Variants in CALN1 observed in about 807,000 individuals in gnomAD.
CALN1 encodes the protein calneuron 1, also known as calcium-binding protein 8.
A neutral mutation model predicts 30.6 loss-of-function variants in CALN1; 17 were observed. That is an observed-to-expected ratio of 0.56 (90% CI 0.38 to 0.83). CALN1 has a LOEUF of 0.83. CALN1 is among the 40% of genes least tolerant of loss of function. The pLI is 0.00. For synonymous variants in CALN1, 156 were observed against 131.4 expected (o/e 1.19, Z -1.28); for missense variants, 291 against 354.9 (o/e 0.82, Z 1.45).
chr7:71,822,377 T>A (rs1788647292), intron 5 of CALN1, among the ~76,000 whole-genome samples: 1 of 152,124 alleles, frequency 6.6e-6, no homozygotes, highest in Admixed American at 6.6e-5. Context: ...GCCTCCCGAG[T>A]AGCTGGGATT....
At chr7:72,474,525 G>A in the CALN1 span, among the ~76,000 whole-genome samples, 5 of 152,000 alleles carry the variant, frequency 3.3e-5, no homozygotes, top group African/African-American at 9.6e-5. Context: ...GTCTCTACAC[G>A]AAATACAAAA....
chr7:72,403,997 A>AG (rs1009733683), intron 1 of CALN1, among the ~76,000 whole-genome samples: 4 of 152,098 alleles, frequency 2.6e-5, no homozygotes, highest in African/African-American at 9.7e-5. Flanking sequence ...TCCCATTACC[A>AG]GCTCCAGGGC....
intron 5 of CALN1, among the ~76,000 whole-genome samples, chr7:71,933,422 G>C (rs971753462): frequency 2.0e-5 from 3 of 152,168 alleles, no homozygotes; most frequent in Non-Finnish European, 4.4e-5. Flanking sequence ...TCTCACTAGA[G>C]AGGGAGCTGT....
chr7:72,305,470 G>A (rs1168474227), intron 2 of CALN1, among the ~76,000 whole-genome samples: 1 of 152,094 alleles, frequency 6.6e-6, no homozygotes, highest in Non-Finnish European at 1.5e-5. Context: ...AGATCCCCAC[G>A]TAAAGTGGTC....
chr7:72,303,375 C>T (rs886120032), intron 2 of CALN1, among the ~76,000 whole-genome samples: 1 of 151,832 alleles, frequency 6.6e-6, no homozygotes, highest in Non-Finnish European at 1.5e-5. Flanking sequence ...CCAGCCTGAC[C>T]AACATGGAGA....
chr7:72,319,003 T>C (rs1800688617), intron 2 of CALN1, among the ~76,000 whole-genome samples: 1 of 152,058 alleles, frequency 6.6e-6, no homozygotes, highest in South Asian at 2.1e-4. Context: ...AAAAGAGAAC[T>C]ACATTTGATC....
intron 5 of CALN1, among the ~76,000 whole-genome samples, chr7:71,986,249 T>G (rs1209308502): frequency 1.3e-5 from 2 of 152,106 alleles, no homozygotes; most frequent in African/African-American, 4.8e-5. Context: ...GGTTTCACCA[T>G]GTTGGTCATG....
At position 71,783,903 on chromosome 7, in the gene CALN1, T is replaced by C. The variant is rs1390366791; in HGVS notation, c.*3872A>G. ...GTGAGATTTGAGACAGGGCAGGTAT[T>C]GAGAAAGAAGACTCATAAGACACAT... On this transcript the variant is annotated 3_prime_UTR_variant, in exon 7 of 7. Coordinates refer to ENST00000395275, the MANE Select transcript of CALN1 (RefSeq NM_031468.4). The C allele has an allele frequency of 6.6e-6, 1 of 152,330 alleles. No individual in the cohort carries two copies. The highest frequency in any genetic ancestry group is 1.5e-5 in the Non-Finnish European group (1 of 68,038). The allele number at this position is 152,330 out of a possible 1,614,324, so 9.4% of individuals were successfully genotyped here.
At chr7:71,887,646 G>T (rs901885378) in intron 5 of CALN1, among the ~76,000 whole-genome samples, 2 of 152,102 alleles carry the variant, frequency 1.3e-5, no homozygotes, top group Non-Finnish European at 2.9e-5. Flanking sequence ...AGCAAACATA[G>T]GGGGAGGGAG....
intron 5 of CALN1, among the ~76,000 whole-genome samples, chr7:72,014,854 G>A (rs746382388): frequency 1.6e-4 from 24 of 151,944 alleles, no homozygotes; most frequent in Non-Finnish European, 2.9e-4. Flanking sequence ...GTAGAGTCAG[G>A]ATCTTGCTTT....
At position 72,370,594 on chromosome 7, in the gene CALN1, G is replaced by A. The variant is rs1477087914; in HGVS notation, c.119+32657C>T. On this transcript the variant is annotated intron_variant, in intron 2 of 6. Coordinates refer to ENST00000395275, the MANE Select transcript of CALN1 (RefSeq NM_031468.4). ...GTGTGAACCCGGGAGGCGGAGCTTA[G>A]AAGGGTGAGCCGAGATCACGCCACT... 2.0e-5 allele frequency among the ~76,000 whole-genome samples: 3 copies of A among 150,144 alleles called. No individual in the cohort carries two copies. In the Admixed American group the frequency reaches 2.0e-4, roughly 10 times the overall value.
At chr7:72,049,710 G>C (rs1168836236) in intron 4 of CALN1, among the ~76,000 whole-genome samples, 1 of 151,886 alleles carries the variant, frequency 6.6e-6, no homozygotes, top group Admixed American at 6.6e-5. Flanking sequence ...GTTTCACCAC[G>C]CTGGTCAGGC....
the CALN1 span, among the ~76,000 whole-genome samples, chr7:72,476,694 C>T: frequency 6.6e-6 from 1 of 152,238 alleles, no homozygotes; most frequent in South Asian, 2.1e-4. Flanking sequence ...GGATGCTTTT[C>T]CAGCTTCTCT....
At chr7:72,039,744 C>A (rs996775905) in intron 4 of CALN1, among the ~76,000 whole-genome samples, 1 of 152,156 alleles carries the variant, frequency 6.6e-6, no homozygotes, top group Non-Finnish European at 1.5e-5. Context: ...CCAGGCCTCT[C>A]ACCCTTTTGG....
intron 2 of CALN1, among the ~76,000 whole-genome samples, chr7:72,385,310 C>T (rs916667640): frequency 6.6e-6 from 1 of 152,106 alleles, no homozygotes; most frequent in Non-Finnish European, 1.5e-5. Context: ...TTACTCAACT[C>T]ATTTGAAAAC....
intron 3 of CALN1, among the ~76,000 whole-genome samples, chr7:72,197,090 T>C (rs1005756467): frequency 3.9e-5 from 6 of 152,108 alleles, no homozygotes; most frequent in African/African-American, 1.4e-4. Flanking sequence ...CAGAAGTCAT[T>C]TGGATTGCCC....
At position 71,779,527 on chromosome 7, in the gene CALN1, T is replaced by C. The variant is rs1792606111; in HGVS notation, c.*8248A>G. 1 of 152,206 alleles carries C rather than the reference T, an allele frequency of 6.6e-6. No individual in the cohort carries two copies. The highest frequency in any genetic ancestry group is 2.1e-4 in the South Asian group (1 of 4,832). The allele number at this position is 152,206 out of a possible 1,614,324, so 9.4% of individuals were successfully genotyped here. The stretch of plus-strand genomic sequence containing the variant: ...AAAAACTTTTATTTTTTCTATTGCA[T>C]AAATAATGGTAAATTAGACTCTTTT... On this transcript the variant is annotated 3_prime_UTR_variant, in exon 7 of 7. Coordinates refer to ENST00000395275, the MANE Select transcript of CALN1 (RefSeq NM_031468.4).
rs893887309 is a variant in CALN1 at position 71,891,962 on chromosome 7, A to T, written c.502-81470T>A. 1.9e-3 allele frequency among the ~76,000 whole-genome samples: 289 copies of T among 152,246 alleles called. 1 individual carries two copies. Among genetic ancestry groups the T allele is most frequent in the African/African-American group, 6.6e-3 (274 of 41,538 alleles). Reference sequence around the variant, plus strand: ...CCGTCTCAAAAATAAATAAATAAAAAAAAAAATAACAAGTGCTATGTATGT... The same window carrying T: ...CCGTCTCAAAAATAAATAAATAAAATAAAAAATAACAAGTGCTATGTATGT... On this transcript the variant is annotated intron_variant, in intron 5 of 6. Transcript: ENST00000395275.
chr7:72,122,350 G>A (rs1808455918), intron 3 of CALN1, among the ~76,000 whole-genome samples: 1 of 152,090 alleles, frequency 6.6e-6, no homozygotes, highest in Non-Finnish European at 1.5e-5. Context: ...GTTCCAGAAA[G>A]AAACTAGAGA....
Sources: allele counts gnomAD v4.1 joint callset (sites outside exome capture counted in the v4.1 genomes callset), GRCh38; gene constraint gnomAD v4.1.1; transcripts MANE v1.5; gene names NCBI Gene and HGNC (gene_info 2026-07-23, HGNC 2026-07-21).